Variants in FMN2 observed in about 807,000 individuals in gnomAD.
The protein encoded by FMN2 is formin 2, also known as formin-2.
Under a neutral mutation model 142.3 loss-of-function variants are expected in FMN2, and 51 were observed. The observed-to-expected ratio is 0.36, with a 90% confidence interval of 0.29 to 0.45. The LOEUF (loss-of-function observed/expected upper bound fraction) is 0.45. FMN2 is among the 20% of genes least tolerant of loss of function. The pLI is 1.00. For missense variants in FMN2, 1,936 were observed against 2,122.8 expected, an observed-to-expected ratio of 0.91 and a Z score of 1.73; for synonymous variants, 882 against 869.8, an observed-to-expected ratio of 1.01 and a Z score of -0.25.
chr1:240,142,757 C>G lies in FMN2; in HGVS notation c.1782+19412C>G, dbSNP rs1663242659. The G allele has an allele frequency of 2.2e-5, 35 of 1,604,590 alleles. No homozygotes were observed. In the South Asian group the frequency reaches 3.5e-4, roughly 16 times the overall value. ...GAAACTCCTCAGTGGCCAATTCTGC[C>G]CGTTCCCCGTGGGCCAACGACACTG... On this transcript the variant is annotated intron_variant, in intron 2 of 17. Coordinates refer to ENST00000319653, the MANE Select transcript of FMN2 (RefSeq NM_020066.5).
intron 7 of FMN2, among the ~76,000 whole-genome samples, chr1:240,292,335 T>A (rs1669823783): frequency 6.6e-6 from 1 of 152,066 alleles, no homozygotes; most frequent in African/African-American, 2.4e-5. Flanking sequence ...AAGTAAAAAA[T>A]AAAAAATGCA....
At chr1:240,442,602 A>G (rs1459481430) in intron 16 of FMN2, among the ~76,000 whole-genome samples, 1 of 152,174 alleles carries the variant, frequency 6.6e-6, no homozygotes, top group Non-Finnish European at 1.5e-5. Context: ...TTTCTGATAG[A>G]ATTTTCCTTG....
At chr1:240,290,802 T>C (rs1669758766) in intron 7 of FMN2, among the ~76,000 whole-genome samples, 2 of 142,570 alleles carry the variant, frequency 1.4e-5, no homozygotes, top group South Asian at 4.6e-4. Flanking sequence ...TGTTTTTTTT[T>C]TTTTTTGAGA....
chr1:240,267,205 A>G (rs908304080), intron 7 of FMN2, among the ~76,000 whole-genome samples: 1 of 152,090 alleles, frequency 6.6e-6, no homozygotes, highest in Non-Finnish European at 1.5e-5. Context: ...ACATTCCACA[A>G]AGGTCTTTTA....
At chr1:240,188,109 G>A in intron 3 of FMN2, 98 bp from the exon 4 acceptor site, 1 of 1,188,196 alleles carries the variant, frequency 8.4e-7, no homozygotes. Context: ...TGGTACTTAT[G>A]GTTAATGATA....
chr1:240,131,758 A>G (rs1057253242), intron 2 of FMN2, among the ~76,000 whole-genome samples: 9 of 152,288 alleles, frequency 5.9e-5, no homozygotes, highest in Admixed American at 4.6e-4. Context: ...AGAAAGGCAC[A>G]GGGGTGCATG....
intron 7 of FMN2, among the ~76,000 whole-genome samples, chr1:240,291,050 G>C (rs1288366937): frequency 6.6e-6 from 1 of 152,108 alleles, no homozygotes; most frequent in East Asian, 1.9e-4. Context: ...TGGGCCTCAG[G>C]TGATCCGCCT....
intron 2 of FMN2, chr1:240,142,653 C>T: frequency 6.3e-7 from 1 of 1,599,448 alleles, no homozygotes; most frequent in Non-Finnish European, 8.5e-7. Context: ...CAGTTCAGAG[C>T]CCCTGGTGGT....
At chr1:240,190,926 T>A (rs929633429) in intron 4 of FMN2, among the ~76,000 whole-genome samples, 28 of 152,298 alleles carry the variant, frequency 1.8e-4, no homozygotes, top group African/African-American at 6.0e-4. Flanking sequence ...GTAAAAAAAA[T>A]TATTTTTCAT....
chr1:240,124,695 T>C (rs1662428262), intron 2 of FMN2, among the ~76,000 whole-genome samples: 1 of 152,076 alleles, frequency 6.6e-6, no homozygotes. Context: ...TGAGACGTAG[T>C]CTCACTCTGT....
intron 5 of FMN2, 92 bp downstream of exon 5, chr1:240,208,824 T>A: frequency 6.9e-7 from 1 of 1,456,690 alleles, no homozygotes; most frequent in Non-Finnish European, 9.2e-7. Flanking sequence ...GTTGAATGTA[T>A]TTTTAAGCAC....
rs1329089194 is a variant in FMN2, at chr1:240,152,806, C to T, written c.1783-25115C>T. On this transcript the variant is annotated intron_variant, in intron 2 of 17. Coordinates refer to ENST00000319653, the MANE Select transcript of FMN2 (RefSeq NM_020066.5). ...TCAGCCTTTCAACCCTGTGGAGTGT[C>T]TATTTTGCAAGTCACCACCTCCTTC... Among the ~76,000 whole-genome samples, 3 of 152,182 alleles carry T rather than the reference C, an allele frequency of 2.0e-5. No individual in the cohort carries two copies. In the East Asian group the frequency reaches 5.8e-4, roughly 29 times the overall value.
intron 16 of FMN2, among the ~76,000 whole-genome samples, chr1:240,463,460 T>C (rs982598496): frequency 6.6e-6 from 1 of 152,052 alleles, no homozygotes; most frequent in African/African-American, 2.4e-5. Flanking sequence ...ACCTAGAGCT[T>C]GGGAGAAAGG....
rs60722656 is a variant in FMN2, at chr1:240,218,281, C to CA, written c.4065+7072dup. Among the ~76,000 whole-genome samples the CA allele has an allele frequency of 4.2e-4, 39 of 92,952 alleles. 2 individuals are homozygous for CA. The highest frequency in any genetic ancestry group is 1.1e-3 in the East Asian group (3 of 2,734). 61.0% of individuals were successfully genotyped at this position (92,952 alleles called of 152,430 possible). ...CTGGCGACAGAGCGAGACTCTGTCT[C>CA]AAAAAAAAAAAAAAAAAAAAAAAAA... On this transcript the variant is annotated intron_variant, in intron 6 of 17. Transcript: ENST00000319653.
At chr1:240,294,937 G>A (rs983227034) in intron 8 of FMN2, 54 bp downstream of exon 8, 11 of 1,444,600 alleles carry the variant, frequency 7.6e-6, no homozygotes, top group African/African-American at 1.4e-5. Flanking sequence ...CACAGTACAT[G>A]TCTATGTGCA....
At chr1:240,423,923 C>T (rs1351940833) in intron 15 of FMN2, among the ~76,000 whole-genome samples, 3 of 152,182 alleles carry the variant, frequency 2.0e-5, no homozygotes, top group African/African-American at 7.2e-5. Context: ...AATAAATGAT[C>T]TGTTCCTGTC....
rs139285973 is a variant in FMN2 at position 240,407,819 on chromosome 1, C to T, written c.4910+15257C>T. ...AAGGTCACACTCCCATTCCTGGTCA[C>T]AAAGTCTCTTAAGGAGAAATGTTAG... On this transcript the variant is annotated intron_variant, in intron 15 of 17. Coordinates refer to ENST00000319653, the MANE Select transcript of FMN2 (RefSeq NM_020066.5). Among the ~76,000 whole-genome samples, 1,022 of 152,234 alleles carry T rather than the reference C, an allele frequency of 6.7e-3. 47 individuals are homozygous for T. The highest frequency in any genetic ancestry group is 0.063 in the Admixed American group (957 of 15,288).
chr1:240,181,079 A>C (rs574391814), intron 3 of FMN2, among the ~76,000 whole-genome samples: 1 of 151,934 alleles, frequency 6.6e-6, no homozygotes, highest in South Asian at 2.1e-4. Flanking sequence ...ATCTCTGCTC[A>C]CTGCAACCAC....
intron 16 of FMN2, among the ~76,000 whole-genome samples, chr1:240,454,715 AAC>A (rs1676180860): frequency 6.6e-6 from 1 of 152,164 alleles, no homozygotes; most frequent in African/African-American, 2.4e-5. Context: ...ATAGCATAGA[AAC>A]ACAGAGGTTG....
Sources: gnomAD v4.1 joint callset for allele counts (sites outside exome capture counted in the v4.1 genomes callset) on GRCh38, gnomAD v4.1.1 for gene constraint, MANE v1.5 for transcripts, NCBI Gene and HGNC (gene_info 2026-07-23, HGNC 2026-07-21) for gene names.